Variants in NT5C2 observed in about 807,000 individuals in gnomAD.
The protein encoded by NT5C2 is 5'-nucleotidase, cytosolic II, also known as cytosolic purine 5'-nucleotidase.
A neutral mutation model predicts 76.1 loss-of-function variants in NT5C2; 58 were observed. That is an observed-to-expected ratio of 0.76 (90% CI 0.62 to 0.95). NT5C2 has a LOEUF of 0.95. Among genes scored for constraint, NT5C2 ranks in the 40% least tolerant of loss-of-function variants. The pLI is 0.00. For missense variants in NT5C2, 478 were observed against 690.3 expected (o/e 0.69, Z 3.45); for synonymous variants, 229 against 237.4 (o/e 0.96, Z 0.32).
intron 1 of NT5C2, among the ~76,000 whole-genome samples, chr10:103,191,148 T>A (rs1281310586): frequency 6.6e-6 from 1 of 152,158 alleles, no homozygotes; most frequent in Non-Finnish European, 1.5e-5. Context: ...ATCCCAGTAC[T>A]TGGGAGGCCG....
intron 1 of NT5C2, among the ~76,000 whole-genome samples, chr10:103,189,271 ATT>A (rs1491201150): frequency 6.6e-6 from 1 of 152,188 alleles, no homozygotes; most frequent in African/African-American, 2.4e-5. Context: ...TATAATGATC[ATT>A]TGATATGTCT....
At chr10:103,185,232 A>G (rs1172437679) in intron 1 of NT5C2, among the ~76,000 whole-genome samples, 2 of 152,188 alleles carry the variant, frequency 1.3e-5, no homozygotes, top group Non-Finnish European at 2.9e-5. Flanking sequence ...AAACGTTGCC[A>G]TAATTAACTG....
At chr10:103,117,217 TC>T (rs2074553930) in intron 4 of NT5C2, among the ~76,000 whole-genome samples, 1 of 152,178 alleles carries the variant, frequency 6.6e-6, no homozygotes, top group South Asian at 2.1e-4. Context: ...GACAATTATC[TC>T]AAAATAACAG....
At chr10:103,127,630 A>G (rs1362679587) in intron 4 of NT5C2, among the ~76,000 whole-genome samples, 1 of 152,232 alleles carries the variant, frequency 6.6e-6, no homozygotes, top group Non-Finnish European at 1.5e-5. Flanking sequence ...TTCTCTTTTA[A>G]CAAACTACTC....
chr10:103,165,693 C>A (rs1168700133), intron 3 of NT5C2, among the ~76,000 whole-genome samples: 1 of 143,110 alleles, frequency 7.0e-6, no homozygotes, highest in Admixed American at 7.2e-5. Flanking sequence ...TTTTTTGAGA[C>A]AGAGTTTCAC....
intron 4 of NT5C2, among the ~76,000 whole-genome samples, chr10:103,123,236 C>T (rs1322796592): frequency 6.6e-6 from 1 of 152,146 alleles, no homozygotes; most frequent in African/African-American, 2.4e-5. Context: ...CATCCTCCTC[C>T]CTCTGCTTCC....
At chr10:103,138,280 GT>G (rs879821899) in intron 4 of NT5C2, among the ~76,000 whole-genome samples, 3 of 152,134 alleles carry the variant, frequency 2.0e-5, no homozygotes, top group Admixed American at 2.0e-4. Flanking sequence ...GGGTTTGTTT[GT>G]TTTTTGTTAA....
chr10:103,113,023 T>A (rs1474801628), intron 4 of NT5C2, among the ~76,000 whole-genome samples: 1 of 152,180 alleles, frequency 6.6e-6, no homozygotes, highest in Non-Finnish European at 1.5e-5. Context: ...ATCTCTAACC[T>A]AAGAGATCAC....
At position 103,090,659 on chromosome 10, in the gene NT5C2, G is replaced by A; in HGVS notation, c.1401C>T (p.Asn467=). 1 of 1,614,164 alleles carries A rather than the reference G, an allele frequency of 6.2e-7. No individual in the cohort carries two copies. Among genetic ancestry groups the A allele is most frequent in the Non-Finnish European group, 8.5e-7 (1 of 1,180,016 alleles). The part of the protein sequence containing the change: ...YADLYAASFI[N]LLYYPFSYLF... ...GGTAGCTGAAAGGGTAATACAGCAG[G>A]TTGATGAAAGATGCTGCATAGAGGT... The change falls in exon 18 of 19, where the codon AAC becomes AAT. Residue 467 remains asparagine (N), a synonymous_variant. Coordinates refer to ENST00000404739, the MANE Select transcript of NT5C2 (RefSeq NM_001351169.2).
At chr10:103,173,611 C>CAAAAA in intron 3 of NT5C2, among the ~76,000 whole-genome samples, 1 of 43,160 alleles carries the variant, frequency 2.3e-5, no homozygotes, top group Non-Finnish European at 4.5e-5. Flanking sequence ...GACGCCGTCT[C>CAAAAA]AAAAAAAAAA....
chr10:103,152,650 T>C (rs1718008549), intron 3 of NT5C2, among the ~76,000 whole-genome samples: 1 of 152,226 alleles, frequency 6.6e-6, no homozygotes, highest in Non-Finnish European at 1.5e-5. Flanking sequence ...TAACCAGGTC[T>C]AGTTATGCCT....
intron 3 of NT5C2, among the ~76,000 whole-genome samples, chr10:103,140,941 G>T (rs926200205): frequency 6.6e-6 from 1 of 152,082 alleles, no homozygotes; most frequent in East Asian, 1.9e-4. Context: ...ACAGATACAT[G>T]GTTCGCAAAC....
chr10:103,192,656 T>C (rs1187319384), intron 1 of NT5C2, among the ~76,000 whole-genome samples: 1 of 152,154 alleles, frequency 6.6e-6, no homozygotes, highest in Non-Finnish European at 1.5e-5. Flanking sequence ...GCAAACGAGC[T>C]GGCCGTTTCT....
intron 1 of NT5C2, among the ~76,000 whole-genome samples, chr10:103,182,488 A>T (rs1013753681): frequency 6.6e-6 from 1 of 152,030 alleles, no homozygotes; most frequent in African/African-American, 2.4e-5. Flanking sequence ...TATAAAAAGT[A>T]GCCAGGCGTG....
chr10:103,189,643 T>C (rs1331231736), intron 1 of NT5C2, among the ~76,000 whole-genome samples: 1 of 150,304 alleles, frequency 6.7e-6, no homozygotes, highest in East Asian at 2.0e-4. Context: ...ATTAAGACTG[T>C]CATAATTTTT....
chr10:103,160,568 TTAA>T (rs986929520), intron 3 of NT5C2, among the ~76,000 whole-genome samples: 3 of 152,140 alleles, frequency 2.0e-5, no homozygotes, highest in Non-Finnish European at 4.4e-5. Flanking sequence ...AACAACTCAT[TTAA>T]TAATAATAGG....
intron 6 of NT5C2, among the ~76,000 whole-genome samples, chr10:103,105,018 TCAAA>T (rs2070840440): frequency 6.6e-6 from 1 of 152,144 alleles, no homozygotes; most frequent in African/African-American, 2.4e-5. Context: ...ACAGAAGTTG[TCAAA>T]TTGTGGCATT....
chr10:103,184,246 T>C (rs935658140), intron 1 of NT5C2, among the ~76,000 whole-genome samples: 2 of 152,176 alleles, frequency 1.3e-5, no homozygotes, highest in Non-Finnish European at 2.9e-5. Flanking sequence ...GTGCCCAGCC[T>C]ATAAACAAGT....
chr10:103,138,319 A>T (rs1317765936), intron 4 of NT5C2, among the ~76,000 whole-genome samples: 1 of 152,192 alleles, frequency 6.6e-6, no homozygotes, highest in Non-Finnish European at 1.5e-5. Context: ...CAGAATGTGC[A>T]GGTTACATAG....
Sources: allele counts gnomAD v4.1 joint callset (sites outside exome capture counted in the v4.1 genomes callset), GRCh38; gene constraint gnomAD v4.1.1; transcripts MANE v1.5; gene names NCBI Gene and HGNC (gene_info 2026-07-23, HGNC 2026-07-21).